NUMB: variants seen among roughly 807,000 people sequenced by gnomAD.
NUMB encodes protein numb homolog.
A neutral mutation model predicts 59.7 loss-of-function variants in NUMB; 29 were observed. The observed-to-expected ratio is 0.49, with a 90% CI of 0.36 to 0.66. NUMB has a LOEUF of 0.66. Ranked by LOEUF, NUMB falls within the 30% of genes least tolerant of loss-of-function variation. NUMB has a pLI of 0.00. For missense variants in NUMB, 723 were observed against 822.0 expected, an observed-to-expected ratio of 0.88 and a Z score of 1.47; for synonymous variants, 288 against 288.2, an observed-to-expected ratio of 1.00 and a Z score of 0.01.
chr14:73,396,208 A>G (rs983067467), intron 2 of NUMB, among the ~76,000 whole-genome samples: 1 of 151,774 alleles, frequency 6.6e-6, no homozygotes, highest in Non-Finnish European at 1.5e-5. Context: ...TCAGTCTCCC[A>G]AAGTGCTGAG....
chr14:73,311,205 G>C (rs538126843), intron 6 of NUMB, among the ~76,000 whole-genome samples: 33 of 152,164 alleles, frequency 2.2e-4, no homozygotes, highest in Middle Eastern at 3.4e-3. Flanking sequence ...ACAGGCGCCT[G>C]CCATCACGCC....
At chr14:73,402,870 A>G (rs995606121) in intron 2 of NUMB, among the ~76,000 whole-genome samples, 3 of 152,242 alleles carry the variant, frequency 2.0e-5, no homozygotes, top group Admixed American at 6.5e-5. Context: ...CTACCCAGTT[A>G]AATGTGTATT....
intron 2 of NUMB, among the ~76,000 whole-genome samples, chr14:73,404,287 T>C (rs900643742): frequency 5.5e-4 from 82 of 149,874 alleles, no homozygotes; most frequent in African/African-American, 2.0e-3. Context: ...ATAATAATAA[T>C]AACATGCTTC....
intron 4 of NUMB, among the ~76,000 whole-genome samples, chr14:73,354,901 T>C (rs546691413): frequency 6.6e-5 from 10 of 151,902 alleles, no homozygotes; most frequent in African/African-American, 2.4e-4. Context: ...CTACAATTTT[T>C]CCTTTAAGAT....
chr14:73,398,894 A>G (rs1896276603), intron 2 of NUMB, among the ~76,000 whole-genome samples: 1 of 152,196 alleles, frequency 6.6e-6, no homozygotes, highest in African/African-American at 2.4e-5. Context: ...GGTATATACT[A>G]GAGTAACCTT....
intron 8 of NUMB, among the ~76,000 whole-genome samples, chr14:73,291,132 G>C (rs1481558888): frequency 6.6e-6 from 1 of 151,342 alleles, no homozygotes; most frequent in African/African-American, 2.4e-5. Flanking sequence ...CTAGGCTGCA[G>C]TGCAGTGGTG....
At chr14:73,458,138 C>G (rs968543805) in intron 1 of NUMB, 7 of 152,974 alleles carry the variant, frequency 4.6e-5, no homozygotes, top group Non-Finnish European at 1.0e-4. Flanking sequence ...CTCTGGGACC[C>G]TGGCCGCTTC....
intron 4 of NUMB, among the ~76,000 whole-genome samples, chr14:73,350,392 C>T (rs147648149): frequency 1.3e-3 from 198 of 151,670 alleles, no homozygotes; most frequent in African/African-American, 2.4e-3. Flanking sequence ...AGGCTGGTCT[C>T]GAACTCCTTA....
At chr14:73,416,654 A>C (rs1489885781) in intron 1 of NUMB, among the ~76,000 whole-genome samples, 1 of 152,156 alleles carries the variant, frequency 6.6e-6, no homozygotes, top group Non-Finnish European at 1.5e-5. Flanking sequence ...CAGCTTGGCC[A>C]ATGTGGCAAA....
intron 3 of NUMB, among the ~76,000 whole-genome samples, chr14:73,361,208 T>C (rs1164256625): frequency 1.3e-5 from 2 of 152,176 alleles, no homozygotes; most frequent in Non-Finnish European, 2.9e-5. Flanking sequence ...CTAATTACTT[T>C]GTTTCATTGC....
chr14:73,293,013 C>G, intron 7 of NUMB, 139 bp from the exon 8 acceptor site: 1 of 851,678 alleles, frequency 1.2e-6, no homozygotes, highest in Non-Finnish European at 1.8e-6. Context: ...CTGTGTCCAG[C>G]AGTTTAAATA....
At chr14:73,454,687 A>G (rs1884225610) in intron 1 of NUMB, among the ~76,000 whole-genome samples, 1 of 152,148 alleles carries the variant, frequency 6.6e-6, no homozygotes, top group East Asian at 1.9e-4. Flanking sequence ...GGATTTAAAA[A>G]CCACCATTTA....
intron 1 of NUMB, among the ~76,000 whole-genome samples, chr14:73,436,566 C>T (rs1054276258): frequency 1.1e-4 from 16 of 152,142 alleles, no homozygotes; most frequent in Non-Finnish European, 2.1e-4. Context: ...GATCCGCCCA[C>T]CTTGGGCTCC....
chr14:73,336,379 C>G (rs771478647), intron 4 of NUMB, among the ~76,000 whole-genome samples: 1 of 152,196 alleles, frequency 6.6e-6, no homozygotes, highest in Non-Finnish European at 1.5e-5. Context: ...GAAAGAACTA[C>G]TGCTATTTTC....
chr14:73,391,283 CTT>C (rs369541360), intron 2 of NUMB, among the ~76,000 whole-genome samples: 9 of 133,760 alleles, frequency 6.7e-5, no homozygotes, highest in African/African-American at 5.5e-5. Flanking sequence ...GATTTTTTTT[CTT>C]TTTTTTTTTT....
At chr14:73,447,717 G>GT (rs1883627845) in intron 1 of NUMB, among the ~76,000 whole-genome samples, 1 of 149,334 alleles carries the variant, frequency 6.7e-6, no homozygotes. Flanking sequence ...AACATTTGAT[G>GT]TAACATGTTA....
At chr14:73,339,024 C>T (rs935049496) in intron 4 of NUMB, among the ~76,000 whole-genome samples, 52 of 152,286 alleles carry the variant, frequency 3.4e-4, no homozygotes, top group African/African-American at 1.3e-3. Flanking sequence ...GTTACCAACA[C>T]ATCATTTCTG....
chr14:73,442,849 T>A (rs1334681658), intron 1 of NUMB, among the ~76,000 whole-genome samples: 1 of 152,108 alleles, frequency 6.6e-6, no homozygotes, highest in East Asian at 1.9e-4. Flanking sequence ...ATGTAAAAAC[T>A]CATTACACCA....
intron 2 of NUMB, among the ~76,000 whole-genome samples, chr14:73,405,640 A>G (rs74061104): frequency 0.051 from 7,786 of 151,948 alleles, 648 homozygotes; most frequent in African/African-American, 0.18. Flanking sequence ...GTCAGTCCCC[A>G]GGTCATCCAT....
Sources: allele counts gnomAD v4.1 joint callset (sites outside exome capture counted in the v4.1 genomes callset), GRCh38; gene constraint gnomAD v4.1.1; transcripts MANE v1.5; gene names NCBI Gene and HGNC (gene_info 2026-07-23, HGNC 2026-07-21).